Variants in NUP133 observed in about 807,000 individuals in gnomAD.
The protein encoded by NUP133 is nucleoporin 133.
NUP133 carries 66 observed loss-of-function variants against 146.2 expected under a neutral mutation model. That is an observed-to-expected ratio of 0.45 (90% CI 0.37 to 0.55). NUP133 has a LOEUF of 0.55. Ranked by LOEUF, NUP133 falls within the 20% of genes least tolerant of loss-of-function variation. The pLI, the probability that NUP133 is intolerant of heterozygous loss-of-function variation, is 0.00. For synonymous variants in NUP133, 521 were observed against 498.8 expected (o/e 1.04, Z -0.59); for missense variants, 1,277 against 1,374.8 (o/e 0.93, Z 1.12).
rs763317538 is a variant in NUP133, at chr1:229,470,708, C to T, written c.1948G>A (p.Ala650Thr). ...GAGTGGTGGTTCTTGAGAACAATGG[C>T]GGCTGACAGCTTTTCGGCATGCTCA... The part of the protein sequence containing the change: ...LCEHAEKLSA[A>T]IVLKNHHSRL... The change falls in exon 15 of 26, where the codon GCC (alanine) becomes ACC (threonine). Residue 650 changes from alanine to threonine, a missense_variant. By Grantham distance (58) the Ala-to-Thr change is moderately conservative. Coordinates refer to ENST00000261396, the MANE Select transcript of NUP133 (RefSeq NM_018230.3). 1.4e-5 allele frequency: 22 copies of T among 1,614,058 alleles called. No individual in the cohort carries two copies. Among genetic ancestry groups the T allele is most frequent in the South Asian group, 4.4e-5 (4 of 91,086 alleles).
chr1:229,463,764 T>C (rs1660749613), intron 18 of NUP133, 88 bp from the exon 19 acceptor site: 4 of 1,358,036 alleles, frequency 2.9e-6, no homozygotes, highest in South Asian at 1.5e-5. Flanking sequence ...TTTATCTTTA[T>C]TCCTATTATA....
chr1:229,508,311 G>T lies in NUP133; in HGVS notation c.-62C>A, dbSNP rs554082791. On this transcript the variant is annotated 5_prime_UTR_variant, in exon 1 of 26. Transcript: ENST00000261396. Reference sequence around the variant, plus strand: ...TGGCCGTCAGGTTGCAGCCTGGCCTGCGCGCGGAACTTAAACACCTAAGGG... The same window carrying T: ...TGGCCGTCAGGTTGCAGCCTGGCCTTCGCGCGGAACTTAAACACCTAAGGG... 2.0e-5 allele frequency: 26 copies of T among 1,285,250 alleles called. 1 individual carries two copies. In the South Asian group the frequency reaches 4.7e-4, roughly 23 times the overall value. The allele number at this position is 1,285,250 out of a possible 1,614,324, so 79.6% of individuals were successfully genotyped here.
chr1:229,442,171 C>A, intron 25 of NUP133, 131 bp from the exon 26 acceptor site: 1 of 829,264 alleles, frequency 1.2e-6, no homozygotes. Flanking sequence ...GAAATACTCT[C>A]TTCTAAATTC....
At position 229,495,946 on chromosome 1, in the gene NUP133, T is replaced by C. The variant is rs986459081; in HGVS notation, c.921A>G (p.Ala307=). 40 of 1,611,786 alleles carry C rather than the reference T, an allele frequency of 2.5e-5. No individual in the cohort carries two copies. The highest frequency in any genetic ancestry group is 3.2e-5 in the Non-Finnish European group (38 of 1,179,182). The change falls in exon 7 of 26, where the codon GCA becomes GCG. Residue 307 remains alanine, a synonymous_variant. Coordinates refer to ENST00000261396, the MANE Select transcript of NUP133 (RefSeq NM_018230.3). Reference sequence around the variant, plus strand: ...GGGCTCTATTTATATCCCAACTGTATGCATGCTTTTCTGAAGAATCATCTA... The same window carrying C: ...GGGCTCTATTTATATCCCAACTGTACGCATGCTTTTCTGAAGAATCATCTA... ...WELDDSSEKH[A]YSWDINRALK...
chr1:229,477,215 G>A (rs1422355194), intron 13 of NUP133, among the ~76,000 whole-genome samples: 2 of 151,940 alleles, frequency 1.3e-5, no homozygotes, highest in East Asian at 3.9e-4. Context: ...CGAGGTGGGT[G>A]GATCACGAGG....
At chr1:229,485,022 A>G (rs959148268) in intron 11 of NUP133, among the ~76,000 whole-genome samples, 1 of 152,210 alleles carries the variant, frequency 6.6e-6, no homozygotes, top group African/African-American at 2.4e-5. Flanking sequence ...AAATTACCCC[A>G]AACAGTATTA....
At chr1:229,449,867 ATATATATT>A (rs1222302460) in intron 23 of NUP133, among the ~76,000 whole-genome samples, 93 of 102,100 alleles carry the variant, frequency 9.1e-4, no homozygotes, top group Non-Finnish European at 8.8e-4. Context: ...ATATATATAT[ATATATATT>A]TTTTTTTTTT....
At chr1:229,461,273 G>C (rs1660684263) in intron 19 of NUP133, among the ~76,000 whole-genome samples, 1 of 152,094 alleles carries the variant, frequency 6.6e-6, no homozygotes, top group East Asian at 1.9e-4. Context: ...TCAAAATCTA[G>C]AGAGGCCCAA....
intron 10 of NUP133, 43 bp from the exon 11 acceptor site, chr1:229,486,571 A>T (rs1661356244): frequency 1.3e-6 from 2 of 1,554,408 alleles, no homozygotes; most frequent in Admixed American, 2.1e-5. Flanking sequence ...TAACAATAAC[A>T]ACAAAATGCT....
chr1:229,501,933 T>TA lies in NUP133; in HGVS notation c.405+65dup, dbSNP rs1245506483. The TA allele has an allele frequency of 2.5e-6, 3 of 1,210,552 alleles. No homozygotes were observed. The East Asian group carries it at 7.0e-5, about 28-fold the overall frequency. 75.0% of individuals were successfully genotyped at this position (1,210,552 alleles called of 1,614,324 possible). A position where few individuals can be genotyped will look rare whatever the true frequency, so the allele number is the denominator to read the frequency against. On this transcript the variant is annotated intron_variant, in intron 3 of 25. Transcript: ENST00000261396. ...TCCTCCAACTGTAAAAAAATTAGGG[T>TA]AAAAATGAAAAGTCAATTGGCATTC...
At chr1:229,499,437 T>C (rs775294971) in intron 5 of NUP133, among the ~76,000 whole-genome samples, 7 of 152,142 alleles carry the variant, frequency 4.6e-5, no homozygotes, top group Non-Finnish European at 8.8e-5. Flanking sequence ...CCGGCCTCTA[T>C]AGTCTCTTTA....
chr1:229,466,567 A>C, intron 16 of NUP133, 67 bp downstream of exon 16: 1 of 1,567,616 alleles, frequency 6.4e-7, no homozygotes, highest in African/African-American at 1.4e-5. Context: ...AGGAACATGG[A>C]AACCAGTTCC....
At chr1:229,465,016 G>T in intron 17 of NUP133, 141 bp from the exon 18 acceptor site, 2 of 957,220 alleles carry the variant, frequency 2.1e-6, no homozygotes, top group Non-Finnish European at 1.6e-6. Flanking sequence ...ACCTGTCAAT[G>T]CCCTGCTTGA....
intron 23 of NUP133, 108 bp downstream of exon 23, chr1:229,450,417 T>TA (rs1660421190): frequency 1.8e-6 from 1 of 557,178 alleles, no homozygotes; most frequent in South Asian, 2.7e-5. Flanking sequence ...GAACCACAGA[T>TA]ACAGTCTTTT....
chr1:229,481,321 C>A (rs1162348535), intron 12 of NUP133, among the ~76,000 whole-genome samples: 1 of 152,128 alleles, frequency 6.6e-6, no homozygotes, highest in East Asian at 1.9e-4. Flanking sequence ...CTACCCAGTG[C>A]CTCAAAATGC....
intron 15 of NUP133, among the ~76,000 whole-genome samples, chr1:229,468,871 T>A (rs1245079898): frequency 6.6e-6 from 1 of 152,158 alleles, no homozygotes; most frequent in African/African-American, 2.4e-5. Context: ...ACTGTCTAGA[T>A]TAAAAACAAA....
chr1:229,491,858 T>A (rs1661524633), intron 8 of NUP133, among the ~76,000 whole-genome samples: 1 of 152,194 alleles, frequency 6.6e-6, no homozygotes, highest in Non-Finnish European at 1.5e-5. Flanking sequence ...AGCAGGAGGA[T>A]CGCTTGAGCC....
rs1266038776 is a variant in NUP133, at chr1:229,441,814, T to C, written c.*90A>G. Reference sequence around the variant, plus strand: ...AAACTCAGCTATACATGTTATGAAATTGTACAAACTTACACTTGTTTATGG... The same window carrying C: ...AAACTCAGCTATACATGTTATGAAACTGTACAAACTTACACTTGTTTATGG... On this transcript the variant is annotated 3_prime_UTR_variant, in exon 26 of 26. Transcript: ENST00000261396. The C allele has an allele frequency of 5.8e-5, 61 of 1,046,358 alleles. No individual in the cohort carries two copies. Among genetic ancestry groups the C allele is most frequent in the Middle Eastern group, 2.4e-4 (1 of 4,164 alleles). 64.8% of individuals were successfully genotyped at this position (1,046,358 alleles called of 1,614,324 possible).
intron 23 of NUP133, 136 bp downstream of exon 23, chr1:229,450,384 CATTCT>C: frequency 2.2e-6 from 1 of 446,614 alleles, no homozygotes; most frequent in Non-Finnish European, 4.1e-6. Context: ...GAGTTGTTTA[CATTCT>C]AAGGATTAAA....
Sources: gnomAD v4.1 joint callset for allele counts (sites outside exome capture counted in the v4.1 genomes callset) on GRCh38, gnomAD v4.1.1 for gene constraint, MANE v1.5 for transcripts, NCBI Gene and HGNC (gene_info 2026-07-23, HGNC 2026-07-21) for gene names.